THBS4: variants seen among roughly 807,000 people sequenced by gnomAD.
THBS4 encodes thrombospondin 4, also known as thrombospondin-4.
In THBS4, 90 loss-of-function variants were observed where a neutral mutation model predicts 115.7. That is an observed-to-expected ratio of 0.78 (90% confidence interval 0.66 to 0.93). The LOEUF is 0.93. Ranked by LOEUF, THBS4 falls within the 40% of genes least tolerant of loss-of-function variation. The pLI is 0.00. For missense variants in THBS4, 1,087 were observed against 1,232.7 expected, an observed-to-expected ratio of 0.88 and a Z score of 1.77; for synonymous variants, 460 against 479.3, an observed-to-expected ratio of 0.96 and a Z score of 0.53.
At chr5:80,082,354 C>T in intron 20 of THBS4, 52 bp from the exon 21 acceptor site, 1 of 1,606,060 alleles carries the variant, frequency 6.2e-7, no homozygotes, top group South Asian at 1.1e-5. Context: ...ACAGTGGGCA[C>T]TTTACCCCGG....
intron 16 of THBS4, 80 bp from the exon 17 acceptor site, chr5:80,077,969 C>T (rs749388900): frequency 9.3e-5 from 119 of 1,285,058 alleles, no homozygotes; most frequent in Non-Finnish European, 1.2e-4. Context: ...TTCTGTTCCT[C>T]ATGCAGCCCC....
Position 80,035,570 on chromosome 5 carries a change from G to C in THBS4, c.33G>C (p.Leu11=). The C allele has an allele frequency of 7.0e-7, 1 of 1,437,070 alleles. No individual in the cohort carries two copies. The highest frequency in any genetic ancestry group is 9.1e-7 in the Non-Finnish European group (1 of 1,095,120). The allele number at this position is 1,437,070 out of a possible 1,614,324, so 89.0% of individuals were successfully genotyped here. ...CCCCGCGCGGAGCCGCCGTCCTCCT[G>C]CTGCACCTGGTCCTGCAGCGGTGGC... The part of the protein sequence containing the change: MLAPRGAAVL[L]LHLVLQRWLA... The change falls in exon 1 of 22, where the codon CTG becomes CTC. Residue 11 remains leucine (L), a synonymous_variant. Coordinates refer to ENST00000350881, the MANE Select transcript of THBS4 (RefSeq NM_003248.6). The surrounding 1 kb of genome is among the most constrained non-coding windows in gnomAD (Gnocchi z 4.6).
upstream of THBS4, chr5:80,035,278 G>C (rs1445819238): frequency 6.4e-6 from 1 of 156,862 alleles, no homozygotes; most frequent in African/African-American, 2.4e-5. The surrounding 1 kb of genome is among the most constrained non-coding windows in gnomAD (Gnocchi z 4.6). Flanking sequence ...CCCGCCAAGG[G>C]GGCCGCCCCC....
chr5:80,015,260 T>A (rs1017077363), intron 2 of THBS4, among the ~76,000 whole-genome samples: 1 of 152,222 alleles, frequency 6.6e-6, no homozygotes, highest in African/African-American at 2.4e-5. Flanking sequence ...AGTACTGAGT[T>A]GGTGGCAGCA....
Position 80,035,438 on chromosome 5 carries a change from G to A in THBS4, c.-100G>A. 2.5e-6 allele frequency: 2 copies of A among 813,988 alleles called. No homozygotes were observed. The highest frequency in any genetic ancestry group is 3.3e-6 in the Non-Finnish European group (2 of 614,434). The allele number at this position is 813,988 out of a possible 1,614,324, so 50.4% of individuals were successfully genotyped here. A position where few individuals can be genotyped will look rare whatever the true frequency, so the allele number is the denominator to read the frequency against. ...CGAGCACGGGTCACCTGCGGCGCCG[G>A]CCCGGGCGCCGACCGAGGTTCAACG... On this transcript the variant is annotated 5_prime_UTR_variant, in exon 1 of 22. Transcript: ENST00000350881. The surrounding 1 kb of genome is among the most constrained non-coding windows in gnomAD (Gnocchi z 4.6).
intron 2 of THBS4, among the ~76,000 whole-genome samples, chr5:80,045,493 T>C (rs1833032555): frequency 6.6e-6 from 1 of 151,158 alleles, no homozygotes; most frequent in Non-Finnish European, 1.5e-5. Flanking sequence ...GTGGAAAAAA[T>C]GAGGGGCCTC....
At chr5:80,063,203 C>CCTGA (rs1391027593) in intron 8 of THBS4, among the ~76,000 whole-genome samples, 2 of 152,166 alleles carry the variant, frequency 1.3e-5, no homozygotes, top group African/African-American at 4.8e-5. Context: ...CCTATTGTTT[C>CCTGA]CTGACTTTTT....
chr5:80,044,307 A>ATC (rs1832992598), intron 2 of THBS4, among the ~76,000 whole-genome samples: 1 of 152,228 alleles, frequency 6.6e-6, no homozygotes, highest in African/African-American at 2.4e-5. Flanking sequence ...TCATGGATAG[A>ATC]TTGAAAAGAA....
chr5:80,070,498 T>C, intron 11 of THBS4, 88 bp downstream of exon 11: 1 of 1,443,058 alleles, frequency 6.9e-7, no homozygotes, highest in East Asian at 2.3e-5. Flanking sequence ...GTGGATCTAA[T>C]TTAAAATTGT....
chr5:80,024,715 AAAG>A (rs1832441378), intron 2 of THBS4, among the ~76,000 whole-genome samples: 1 of 152,222 alleles, frequency 6.6e-6, no homozygotes, highest in African/African-American at 2.4e-5. Flanking sequence ...ACAGAGAAAA[AAAG>A]CAAATACTAA....
chr5:80,033,706 C>T (rs1295840842), upstream of THBS4, among the ~76,000 whole-genome samples: 1 of 152,234 alleles, frequency 6.6e-6, no homozygotes, highest in Non-Finnish European at 1.5e-5. Context: ...AGAACTCTCA[C>T]AGGCATCCAC....
At chr5:80,071,247 G>C (rs1317476664) in intron 13 of THBS4, 67 bp downstream of exon 13, 4 of 1,520,398 alleles carry the variant, frequency 2.6e-6, no homozygotes, top group Middle Eastern at 1.8e-4. Flanking sequence ...TTCTCTGAGA[G>C]AGTAGGAATA....
rs767991849 is a variant in THBS4, at chr5:80,040,286, C to A, written c.292+6C>A. 6.2e-7 allele frequency: 1 copy of A among 1,606,006 alleles called. No homozygotes were observed. The highest frequency in any genetic ancestry group is 8.5e-7 in the Non-Finnish European group (1 of 1,174,364). On this transcript the variant is annotated splice_donor_region_variant and intron_variant, in intron 2 of 21. Transcript: ENST00000350881. ...GATGGGACGCTTAAACAAAGGTAAG[C>A]AAATTTGCTGAAATTATTTTCTTAA... is the stretch of plus-strand genomic sequence containing the variant.
chr5:80,010,262 C>G (rs1393887282), intron 2 of THBS4, among the ~76,000 whole-genome samples: 1 of 152,150 alleles, frequency 6.6e-6, no homozygotes, highest in Non-Finnish European at 1.5e-5. Flanking sequence ...CTACACTTTC[C>G]CCAACTCCAA....
intron 2 of THBS4, among the ~76,000 whole-genome samples, chr5:80,044,329 T>C (rs536314787): frequency 2.0e-5 from 3 of 152,186 alleles, no homozygotes; most frequent in Non-Finnish European, 4.4e-5. Flanking sequence ...AAATGGAGGC[T>C]GAGAAGAGTA....
At chr5:80,030,988 CT>C (rs1395283774), upstream of THBS4, among the ~76,000 whole-genome samples, 1 of 152,218 alleles carries the variant, frequency 6.6e-6, no homozygotes, top group African/African-American at 2.4e-5. Context: ...ATTTCCCCCA[CT>C]TGCGAAGAAT....
At chr5:80,051,897 AAT>A (rs1475112356) in intron 2 of THBS4, among the ~76,000 whole-genome samples, 2 of 152,216 alleles carry the variant, frequency 1.3e-5, no homozygotes, top group Admixed American at 1.3e-4. Context: ...TGCCCAAGAA[AAT>A]ATGTTTCCTT....
Position 80,070,823 on chromosome 5 carries a change from C to T in THBS4, c.1560+73C>T. The T allele has an allele frequency of 1.9e-6, 3 of 1,577,324 alleles. No homozygotes were observed. In the South Asian group the frequency reaches 3.3e-5, roughly 18 times the overall value. ...GATGGGAGAAAGCCTGTGATGTCAA[C>T]TATGTATATGAATCATCCCAAATGT... On this transcript the variant is annotated intron_variant, in intron 12 of 21. Transcript: ENST00000350881.
At position 80,070,307 on chromosome 5, in the gene THBS4, G is replaced by A; in HGVS notation, c.1349G>A (p.Cys450Tyr). 1 of 1,579,450 alleles carries A rather than the reference G, an allele frequency of 6.3e-7. No homozygotes were observed. The highest frequency in any genetic ancestry group is 8.6e-7 in the Non-Finnish European group (1 of 1,165,446). Residue 450 changes from cysteine (C) to tyrosine (Y), a missense_variant and splice_region_variant, in exon 11 of 22, where the codon TGT (cysteine) becomes TAT (tyrosine). Transcript: ENST00000350881. ...EERQGDVTCV[C>Y]GVGWAGDGYI... ...CTCTGATGGGCTTTCCCTTTACAGT[G>A]TGGAGTCGGTTGGGCTGGAGATGGC...
Sources: allele counts gnomAD v4.1 joint callset (sites outside exome capture counted in the v4.1 genomes callset), GRCh38; gene constraint gnomAD v4.1.1; non-coding constraint Gnocchi (gnomAD v3.1); transcripts MANE v1.5; gene names NCBI Gene and HGNC (gene_info 2026-07-23, HGNC 2026-07-21).